Variants in UST observed in about 807,000 individuals in gnomAD.
The protein encoded by UST is chondroitin sulfate 2-O-sulfotransferase.
Under a neutral mutation model 45.6 loss-of-function variants are expected in UST, and 21 were observed. The observed-to-expected ratio is 0.46, with a 90% CI of 0.33 to 0.66. The LOEUF (loss-of-function observed/expected upper bound fraction) is 0.66, where lower values mean the gene tolerates loss of function less well. Ranked by LOEUF, UST falls within the 30% of genes least tolerant of loss-of-function variation. UST has a pLI of 0.02. For missense variants in UST, 463 were observed against 512.4 expected, an observed-to-expected ratio of 0.90 and a Z score of 0.93; for synonymous variants, 215 against 200.6, an observed-to-expected ratio of 1.07 and a Z score of -0.61.
At position 148,748,497 on chromosome 6, in the gene UST, A is replaced by G. The variant is rs1260486295; in HGVS notation, c.247+820A>G. 6.8e-6 allele frequency among the ~76,000 whole-genome samples: 1 copy of G among 147,014 alleles called. No individual in the cohort carries two copies. Among genetic ancestry groups the G allele is most frequent in the Non-Finnish European group, 1.5e-5 (1 of 67,254 alleles). On this transcript the variant is annotated intron_variant, in intron 1 of 7. Coordinates refer to ENST00000367463, the MANE Select transcript of UST (RefSeq NM_005715.3). This position sits in a 1 kb window ranked among gnomAD's most constrained non-coding sequence, Gnocchi z 5.3. Reference sequence around the variant, plus strand: ...CGCCTGTCTTTAGCAGAAGTAAGGAAGGGGTTTGACGGGAGGGAAAGAGCC... The same window carrying G: ...CGCCTGTCTTTAGCAGAAGTAAGGAGGGGGTTTGACGGGAGGGAAAGAGCC...
intron 7 of UST, among the ~76,000 whole-genome samples, chr6:149,028,399 C>T (rs1776082241): frequency 6.6e-6 from 1 of 152,172 alleles, no homozygotes; most frequent in South Asian, 2.1e-4. Context: ...CCACCAAGCC[C>T]ATCACAGGAG....
intron 2 of UST, among the ~76,000 whole-genome samples, chr6:148,895,261 A>G (rs1779104517): frequency 6.6e-6 from 1 of 152,132 alleles, no homozygotes; most frequent in Admixed American, 6.5e-5. Flanking sequence ...TTCTATTTAA[A>G]ATTCATTCCT....
In UST at chr6:148,991,593, A is replaced by T. The variant is rs552178641; in HGVS notation, c.681+27030A>T. Among the ~76,000 whole-genome samples, 19 of 142,430 alleles carry T rather than the reference A, an allele frequency of 1.3e-4. No individual in the cohort carries two copies. In the South Asian group the frequency reaches 4.0e-3, roughly 30 times the overall value. 93.4% of individuals were successfully genotyped at this position (142,430 alleles called of 152,430 possible). A position where few individuals can be genotyped will look rare whatever the true frequency, so the allele number is the denominator to read the frequency against. Reference sequence around the variant, plus strand: ...TTCTCATTGTTCAATTCCCACCTATAGAATTCATAGATATTTTATATCAAC... The same window carrying T: ...TTCTCATTGTTCAATTCCCACCTATTGAATTCATAGATATTTTATATCAAC... On this transcript the variant is annotated intron_variant, in intron 5 of 7. Coordinates refer to ENST00000367463, the MANE Select transcript of UST (RefSeq NM_005715.3).
intron 5 of UST, among the ~76,000 whole-genome samples, chr6:148,967,703 G>A (rs533088138): frequency 3.3e-5 from 5 of 152,244 alleles, no homozygotes; most frequent in Admixed American, 6.5e-5. Flanking sequence ...CCTGCACACC[G>A]CATGCCCACA....
intron 1 of UST, among the ~76,000 whole-genome samples, chr6:148,777,003 G>A (rs759342082): frequency 2.0e-5 from 3 of 152,144 alleles, no homozygotes; most frequent in Non-Finnish European, 4.4e-5. Context: ...CCACTAACCT[G>A]CTGATTCTAA....
chr6:148,793,452 C>T (rs762847408), intron 1 of UST, among the ~76,000 whole-genome samples: 21 of 152,152 alleles, frequency 1.4e-4, no homozygotes, highest in South Asian at 2.1e-4. Flanking sequence ...CACCCTCCAC[C>T]GCCTCTAACT....
intron 7 of UST, among the ~76,000 whole-genome samples, chr6:149,067,284 A>G (rs533903841): frequency 6.6e-6 from 1 of 152,238 alleles, no homozygotes; most frequent in African/African-American, 2.4e-5. Context: ...GACTGAAGGC[A>G]ATTTTGTTCC....
rs116630474 is a variant in UST, at chr6:149,042,517, G to A, written c.937+21036G>A. Among the ~76,000 whole-genome samples the A allele has an allele frequency of 3.8e-3, 572 of 152,304 alleles. 2 individuals are homozygous for A. The highest frequency in any genetic ancestry group is 0.013 in the African/African-American group (553 of 41,562). On this transcript the variant is annotated intron_variant, in intron 7 of 7. Coordinates refer to ENST00000367463, the MANE Select transcript of UST (RefSeq NM_005715.3). ...GCACCAGGACCTGGACCCAGGCATA[G>A]CACTGCGCCACCCTGCCACCCGTGG...
intron 1 of UST, among the ~76,000 whole-genome samples, chr6:148,752,738 G>C (rs1776013521): frequency 6.6e-6 from 1 of 152,226 alleles, no homozygotes; most frequent in African/African-American, 2.4e-5. Flanking sequence ...AAAATAAATA[G>C]TATCTTTTGC....
intron 1 of UST, among the ~76,000 whole-genome samples, chr6:148,788,705 A>C (rs1279358494): frequency 6.6e-6 from 1 of 152,250 alleles, no homozygotes; most frequent in Non-Finnish European, 1.5e-5. Flanking sequence ...CCAGGCATCT[A>C]GAATAAAATT....
chr6:148,990,709 A>G (rs1162331766), intron 5 of UST, among the ~76,000 whole-genome samples: 1 of 152,208 alleles, frequency 6.6e-6, no homozygotes, highest in Admixed American at 6.5e-5. Flanking sequence ...TAATTGATTA[A>G]GAGGTTCTTT....
intron 5 of UST, chr6:148,964,770 T>G (rs779548624): frequency 3.2e-6 from 2 of 627,684 alleles, no homozygotes; most frequent in Non-Finnish European, 5.4e-6. Context: ...TTCCTCAAAT[T>G]ATTTTCTGAT....
intron 7 of UST, among the ~76,000 whole-genome samples, chr6:149,049,925 TCTCTCTCA>T (rs1776455932): frequency 7.8e-6 from 1 of 128,720 alleles, no homozygotes; most frequent in African/African-American, 3.2e-5. Flanking sequence ...TCTCTCTCTC[TCTCTCTCA>T]CACACACACA....
intron 2 of UST, among the ~76,000 whole-genome samples, chr6:148,896,500 C>T (rs551833054): frequency 9.2e-5 from 14 of 152,266 alleles, no homozygotes; most frequent in Admixed American, 3.3e-4. Context: ...AAAGAACATG[C>T]GATGTGGTAA....
chr6:149,041,134 G>T (rs1776308050), intron 7 of UST, among the ~76,000 whole-genome samples: 1 of 152,240 alleles, frequency 6.6e-6, no homozygotes, highest in African/African-American at 2.4e-5. Context: ...ACTAGTGATG[G>T]TGCACTTACT....
At chr6:148,860,084 G>A (rs1484062169) in intron 1 of UST, among the ~76,000 whole-genome samples, 8 of 152,152 alleles carry the variant, frequency 5.3e-5, no homozygotes, top group Non-Finnish European at 7.4e-5. Context: ...ATTACCTTGG[G>A]CAGTATGGCC....
intron 5 of UST, among the ~76,000 whole-genome samples, chr6:149,017,738 G>A (rs1775923763): frequency 6.6e-6 from 1 of 151,232 alleles, no homozygotes; most frequent in Non-Finnish European, 1.5e-5. Context: ...TCGTGAACAT[G>A]TAAATTCTGC....
intron 2 of UST, among the ~76,000 whole-genome samples, chr6:148,906,848 C>T (rs913271387): frequency 4.6e-5 from 7 of 152,122 alleles, no homozygotes; most frequent in African/African-American, 1.7e-4. Context: ...AAAGTCTAGT[C>T]AGTTGTTGGC....
At chr6:148,958,881 A>G (rs1018221685) in intron 4 of UST, 3 of 152,250 alleles carry the variant, frequency 2.0e-5, no homozygotes, top group Admixed American at 6.5e-5. Flanking sequence ...GTCCAAATGC[A>G]TTATGAGAGA....
Sources: gnomAD v4.1 joint callset for allele counts (sites outside exome capture counted in the v4.1 genomes callset) on GRCh38, gnomAD v4.1.1 for gene constraint, Gnocchi (gnomAD v3.1) non-coding constraint, MANE v1.5 for transcripts, NCBI Gene and HGNC (gene_info 2026-07-23, HGNC 2026-07-21) for gene names.